The following EPHA7 variants were observed in gnomAD, a reference collection of about 807,000 sequenced individuals.
The protein encoded by EPHA7 is ephrin type-A receptor 7.
EPHA7 carries 25 observed loss-of-function variants against 112.6 expected under a neutral mutation model. The ratio of observed to expected loss-of-function variants is 0.22; its 90% CI spans 0.16 to 0.31. The LOEUF (loss-of-function observed/expected upper bound fraction) is 0.31, where lower values mean the gene tolerates loss of function less well. Ranked by LOEUF, EPHA7 falls within the 10% of genes least tolerant of loss-of-function variation. The pLI is 1.00. For synonymous variants in EPHA7, 437 were observed against 406.5 expected (o/e 1.07, Z -0.90); for missense variants, 962 against 1,212.6 (o/e 0.79, Z 3.07).
intron 5 of EPHA7, among the ~76,000 whole-genome samples, chr6:93,305,195 C>T (rs1034389084): frequency 2.6e-5 from 4 of 151,162 alleles, no homozygotes; most frequent in Non-Finnish European, 4.4e-5. Context: ...TGAAAGTGTT[C>T]ATGGAAGGAA....
Position 93,272,284 on chromosome 6 carries a change from C to T in EPHA7, c.1449+14G>A, listed in dbSNP as rs1446772880. On this transcript the variant is annotated intron_variant, in intron 6 of 16. Transcript: ENST00000369303. ...CACAGCACATTGTACATTTCAGTTG[C>T]TCTTAGCACTTACTTTCTCGTAATA... 3 of 1,610,966 alleles carry T rather than the reference C, an allele frequency of 1.9e-6. No individual in the cohort carries two copies. In the South Asian group the frequency reaches 3.3e-5, roughly 18 times the overall value.
At chr6:93,278,793 A>G (rs1199160602) in intron 5 of EPHA7, among the ~76,000 whole-genome samples, 1 of 151,760 alleles carries the variant, frequency 6.6e-6, no homozygotes, top group African/African-American at 2.4e-5. Flanking sequence ...CATATTTTTT[A>G]TTTAATTCAC....
intron 3 of EPHA7, among the ~76,000 whole-genome samples, chr6:93,370,448 A>T (rs1776732776): frequency 6.6e-6 from 1 of 152,194 alleles, no homozygotes; most frequent in Admixed American, 6.5e-5. Context: ...CCACTATTAA[A>T]ATAAATTCTA....
intron 3 of EPHA7, among the ~76,000 whole-genome samples, chr6:93,391,729 CAG>C (rs1431408164): frequency 7.9e-5 from 12 of 151,696 alleles, no homozygotes; most frequent in Middle Eastern, 3.4e-3. Context: ...GAGGGAGAAA[CAG>C]AGGAAGGGGA....
chr6:93,333,713 T>C (rs1267814009), intron 5 of EPHA7, among the ~76,000 whole-genome samples: 1 of 151,892 alleles, frequency 6.6e-6, no homozygotes, highest in East Asian at 1.9e-4. Context: ...CACTTTGTAA[T>C]AGGATTGTTT....
intron 3 of EPHA7, among the ~76,000 whole-genome samples, chr6:93,373,440 A>T (rs1776900583): frequency 6.6e-6 from 1 of 152,086 alleles, no homozygotes; most frequent in Admixed American, 6.6e-5. Flanking sequence ...CAGGTCAGGG[A>T]AACTTGCGTG....
At chr6:93,309,141 G>T (rs1229502287) in intron 5 of EPHA7, among the ~76,000 whole-genome samples, 2 of 152,056 alleles carry the variant, frequency 1.3e-5, no homozygotes, top group Non-Finnish European at 2.9e-5. Context: ...TAGAGACAGG[G>T]TTTCACCATG....
chr6:93,403,499 C>A (rs1202115227), intron 3 of EPHA7, among the ~76,000 whole-genome samples: 1 of 151,726 alleles, frequency 6.6e-6, no homozygotes, highest in Non-Finnish European at 1.5e-5. Flanking sequence ...AGAAGCCAGG[C>A]ATAGTGGCAG....
intron 3 of EPHA7, among the ~76,000 whole-genome samples, chr6:93,379,761 C>T (rs1199793977): frequency 6.6e-6 from 1 of 151,836 alleles, no homozygotes; most frequent in Admixed American, 6.6e-5. Flanking sequence ...GTGATGAGTC[C>T]ATTAGTAAAA....
chr6:93,413,666 A>G (rs903899544), intron 2 of EPHA7, among the ~76,000 whole-genome samples: 25 of 151,978 alleles, frequency 1.6e-4, no homozygotes, highest in African/African-American at 5.8e-4. Context: ...TAACCAATAC[A>G]GATAACCACA....
intron 3 of EPHA7, among the ~76,000 whole-genome samples, chr6:93,397,692 C>T (rs11964791): frequency 2.0e-5 from 3 of 151,880 alleles, no homozygotes; most frequent in South Asian, 2.1e-4. Flanking sequence ...TATCTATTAA[C>T]ATTAATGAAT....
chr6:93,297,995 A>T (rs2127845570), intron 5 of EPHA7, among the ~76,000 whole-genome samples: 2 of 152,304 alleles, frequency 1.3e-5, no homozygotes, highest in East Asian at 3.9e-4. Flanking sequence ...GCTTTAAATA[A>T]GTATCATTTC....
At chr6:93,301,662 G>A (rs1487247551) in intron 5 of EPHA7, among the ~76,000 whole-genome samples, 1 of 152,108 alleles carries the variant, frequency 6.6e-6, no homozygotes, top group African/African-American at 2.4e-5. Flanking sequence ...ATCACCAAAA[G>A]TGATGACAGA....
rs140977258 is a variant in EPHA7 at position 93,404,678 on chromosome 6, T to C, written c.832+5823A>G. Among the ~76,000 whole-genome samples the C allele has an allele frequency of 1.7e-4, 26 of 150,980 alleles. No individual in the cohort carries two copies. In the East Asian group the frequency reaches 3.3e-3, roughly 19 times the overall value. On this transcript the variant is annotated intron_variant, in intron 3 of 16. Coordinates refer to ENST00000369303, the MANE Select transcript of EPHA7 (RefSeq NM_004440.4). Reference sequence around the variant, plus strand: ...AGAGGGAGAGAGAGAGAGAGACATATACTTCTCACGGTAAGAGTATTTTTT... The same window carrying C: ...AGAGGGAGAGAGAGAGAGAGACATACACTTCTCACGGTAAGAGTATTTTTT...
chr6:93,297,135 C>T (rs1275148041), intron 5 of EPHA7, among the ~76,000 whole-genome samples: 2 of 152,000 alleles, frequency 1.3e-5, no homozygotes, highest in Non-Finnish European at 2.9e-5. Context: ...CCATTCATTT[C>T]TCAACTGCAT....
At chr6:93,355,937 C>A (rs935534698) in intron 5 of EPHA7, among the ~76,000 whole-genome samples, 5 of 152,110 alleles carry the variant, frequency 3.3e-5, no homozygotes, top group Non-Finnish European at 7.4e-5. Context: ...AAAATTCCCT[C>A]ATGCATATTA....
rs189229029 is a variant in EPHA7 at position 93,343,434 on chromosome 6, A to G, written c.1324+13283T>C. ...GATTTTAGATATGTAAATTGGATAT[A>G]CAGGGTTTGTGTTTGAAGTGCTATA... On this transcript the variant is annotated intron_variant, in intron 5 of 16. Transcript: ENST00000369303. Among the ~76,000 whole-genome samples the G allele has an allele frequency of 9.5e-4, 144 of 151,872 alleles. No homozygotes were observed. The East Asian group carries it at 9.9e-3, about 10-fold the overall frequency.
chr6:93,403,655 A>G (rs962983941), intron 3 of EPHA7, among the ~76,000 whole-genome samples: 9 of 147,872 alleles, frequency 6.1e-5, no homozygotes, highest in African/African-American at 2.2e-4. Context: ...GGCAACACTC[A>G]TCTCTTAAAA....
At position 93,264,677 on chromosome 6, in the gene EPHA7, A is replaced by G. The variant is rs1392785631; in HGVS notation, c.1659T>C (p.Asn553=). The change falls in exon 8 of 17, where the codon AAT becomes AAC. Residue 553 remains asparagine, a synonymous_variant. Transcript: ENST00000369303. ...FEATAVSSEQ[N]PVIIIAVVAV... is the part of the protein sequence containing the mutation. ...CAACCACAGCAATGATAATAACAGG[A>G]TTCTGTTCACTGGAGACAGCTGTAG... 3 of 1,605,604 alleles carry G rather than the reference A, an allele frequency of 1.9e-6. No homozygotes were observed. The highest frequency in any genetic ancestry group is 2.2e-5 in the East Asian group (1 of 44,476).
Sources: allele counts gnomAD v4.1 joint callset (sites outside exome capture counted in the v4.1 genomes callset), GRCh38; gene constraint gnomAD v4.1.1; transcripts MANE v1.5; gene names NCBI Gene and HGNC (gene_info 2026-07-23, HGNC 2026-07-21).